Variants in PBX3 observed in about 807,000 individuals in gnomAD.
PBX3 encodes the protein pre-B-cell leukemia transcription factor 3.
Under a neutral mutation model 48.5 loss-of-function variants are expected in PBX3, and 14 were observed. The observed-to-expected ratio is 0.29, with a 90% CI of 0.19 to 0.45. The LOEUF (loss-of-function observed/expected upper bound fraction) is 0.45, where lower values mean the gene tolerates loss of function less well. Among genes scored for constraint, PBX3 ranks in the 20% least tolerant of loss-of-function variants. The probability of loss-of-function intolerance (pLI) is 1.00; values close to 1 mark genes in which losing one functional copy is unlikely to be tolerated. For synonymous variants in PBX3, 210 were observed against 200.3 expected (o/e 1.05, Z -0.41); for missense variants, 386 against 546.7 (o/e 0.71, Z 2.93).
At chr9:125,763,512 C>T (rs1412374202) in intron 2 of PBX3, among the ~76,000 whole-genome samples, 1 of 152,204 alleles carries the variant, frequency 6.6e-6, no homozygotes, top group Non-Finnish European at 1.5e-5. Context: ...GGCCTGTTCT[C>T]ATTTCTTCTT....
intron 2 of PBX3, among the ~76,000 whole-genome samples, chr9:125,788,552 G>T (rs1837515896): frequency 6.6e-6 from 1 of 152,144 alleles, no homozygotes; most frequent in Non-Finnish European, 1.5e-5. Context: ...TGGCATTTAA[G>T]AAATAAAATA....
intron 2 of PBX3, among the ~76,000 whole-genome samples, chr9:125,833,268 C>T (rs1050643274): frequency 2.0e-5 from 3 of 152,076 alleles, no homozygotes; most frequent in Admixed American, 6.5e-5. Flanking sequence ...GGTAGATTGC[C>T]TCAGCTCAGG....
intron 2 of PBX3, among the ~76,000 whole-genome samples, chr9:125,876,361 CTGATT>C (rs796614985): frequency 6.6e-5 from 10 of 152,312 alleles, no homozygotes; most frequent in African/African-American, 2.2e-4. Flanking sequence ...CACTTATACT[CTGATT>C]TCCTTCCACC....
At chr9:125,859,326 TGAAAGTA>T (rs1418603473) in intron 2 of PBX3, among the ~76,000 whole-genome samples, 3 of 152,214 alleles carry the variant, frequency 2.0e-5, no homozygotes, top group Non-Finnish European at 4.4e-5. Context: ...TCAAGGCCCA[TGAAAGTA>T]GGGACCTTAT....
chr9:125,760,481 A>G (rs1363207263), intron 2 of PBX3, among the ~76,000 whole-genome samples: 1 of 152,168 alleles, frequency 6.6e-6, no homozygotes, highest in Non-Finnish European at 1.5e-5. Context: ...TTTTGCTTGT[A>G]GAATTTATAA....
At position 125,935,587 on chromosome 9, in the gene PBX3, T is replaced by A; in HGVS notation, c.823T>A (p.Cys275Ser). 6.2e-7 allele frequency: 1 copy of A among 1,613,736 alleles called. No homozygotes were observed. The highest frequency in any genetic ancestry group is 8.5e-7 in the Non-Finnish European group (1 of 1,179,816). Reference protein sequence around the residue: ...EEAKEELAKKCSITVSQVSNW... With the variant: ...EEAKEELAKKSSITVSQVSNW... The stretch of plus-strand genomic sequence containing the variant: ...AGCCAAAGAGGAGCTGGCCAAGAAA[T>A]GCAGCATCACAGTGTCACAGGTGAG... The change falls in exon 5 of 9, where the codon TGC (cysteine) becomes AGC (serine). Residue 275 changes from cysteine (C) to serine (S), a missense_variant. By Grantham distance (112) the Cys-to-Ser change is moderately radical. Coordinates refer to ENST00000373489, the MANE Select transcript of PBX3 (RefSeq NM_006195.6).
At chr9:125,826,153 C>T (rs1212126865) in intron 2 of PBX3, among the ~76,000 whole-genome samples, 1 of 152,090 alleles carries the variant, frequency 6.6e-6, no homozygotes, top group Non-Finnish European at 1.5e-5. Flanking sequence ...TAGTAAATTC[C>T]TTTATTTACC....
At chr9:125,834,258 T>A (rs1251032419) in intron 2 of PBX3, among the ~76,000 whole-genome samples, 1 of 152,096 alleles carries the variant, frequency 6.6e-6, no homozygotes, top group African/African-American at 2.4e-5. Flanking sequence ...AGGAAAAATA[T>A]GAGCTGAGAC....
At chr9:125,828,541 T>C (rs1333569118) in intron 2 of PBX3, among the ~76,000 whole-genome samples, 1 of 152,176 alleles carries the variant, frequency 6.6e-6, no homozygotes, top group Non-Finnish European at 1.5e-5. Context: ...AATGCAAGAT[T>C]AGAAAAACAT....
At chr9:125,767,535 T>C (rs939525138) in intron 2 of PBX3, among the ~76,000 whole-genome samples, 1 of 152,238 alleles carries the variant, frequency 6.6e-6, no homozygotes, top group African/African-American at 2.4e-5. Context: ...CTGTTTTTAG[T>C]GTAGTTTCCT....
At chr9:125,958,761 A>T (rs941068469) in intron 5 of PBX3, among the ~76,000 whole-genome samples, 3 of 152,236 alleles carry the variant, frequency 2.0e-5, no homozygotes, top group Non-Finnish European at 4.4e-5. Context: ...ATGAGAACTC[A>T]CTATAAATCT....
intron 2 of PBX3, among the ~76,000 whole-genome samples, chr9:125,858,438 A>T (rs962876603): frequency 1.3e-5 from 2 of 152,190 alleles, no homozygotes; most frequent in African/African-American, 4.8e-5. Context: ...AGCCATATGT[A>T]AAAGGTAACA....
chr9:125,866,637 G>A (rs1839988390), intron 2 of PBX3, among the ~76,000 whole-genome samples: 1 of 152,194 alleles, frequency 6.6e-6, no homozygotes, highest in Admixed American at 6.5e-5. Context: ...TATGTGTCCG[G>A]GGAGGTTTAC....
chr9:125,809,822 T>C (rs1838235372), intron 2 of PBX3, among the ~76,000 whole-genome samples: 3 of 152,060 alleles, frequency 2.0e-5, no homozygotes, highest in Admixed American at 2.0e-4. Context: ...GTTTAAAGAA[T>C]TCCTATAAAT....
chr9:125,905,649 G>T (rs1256092861), intron 2 of PBX3, among the ~76,000 whole-genome samples: 1 of 151,714 alleles, frequency 6.6e-6, no homozygotes, highest in Non-Finnish European at 1.5e-5. Context: ...TCATCACCAT[G>T]AAAATTTATC....
chr9:125,758,535 A>G (rs1648592763), intron 2 of PBX3, among the ~76,000 whole-genome samples: 1 of 152,168 alleles, frequency 6.6e-6, no homozygotes, highest in South Asian at 2.1e-4. Flanking sequence ...TTCCAATATA[A>G]AAAAGTAGCT....
intron 2 of PBX3, among the ~76,000 whole-genome samples, chr9:125,811,734 G>A (rs1838295951): frequency 6.6e-6 from 1 of 152,140 alleles, no homozygotes; most frequent in Non-Finnish European, 1.5e-5. Context: ...ATTTGCAGAT[G>A]TCTACCTTCC....
chr9:125,958,037 C>A (rs1394461854), intron 5 of PBX3, among the ~76,000 whole-genome samples: 1 of 152,158 alleles, frequency 6.6e-6, no homozygotes, highest in African/African-American at 2.4e-5. Context: ...CTTTATAGTC[C>A]TTTTCCAATC....
At chr9:125,897,298 G>T (rs1156502119) in intron 2 of PBX3, among the ~76,000 whole-genome samples, 1 of 151,700 alleles carries the variant, frequency 6.6e-6, no homozygotes, top group Non-Finnish European at 1.5e-5. Context: ...TCATTAATTT[G>T]TGGAAGACTA....
Sources: gnomAD v4.1 joint callset for allele counts (sites outside exome capture counted in the v4.1 genomes callset) on GRCh38, gnomAD v4.1.1 for gene constraint, MANE v1.5 for transcripts, NCBI Gene and HGNC (gene_info 2026-07-23, HGNC 2026-07-21) for gene names.